The following PDK3 variants were observed in gnomAD, a reference collection of about 807,000 sequenced individuals.
The protein encoded by PDK3 is pyruvate dehydrogenase kinase 3, also known as pyruvate dehydrogenase kinase, isozyme 3.
PDK3 carries 12 observed loss-of-function variants against 32.0 expected under a neutral mutation model. That is an observed-to-expected ratio of 0.37 (90% confidence interval 0.24 to 0.61). The LOEUF (loss-of-function observed/expected upper bound fraction) is 0.61, where lower values mean the gene tolerates loss of function less well. Among genes scored for constraint, PDK3 ranks in the 20% least tolerant of loss-of-function variants. PDK3 has a pLI of 0.65. For synonymous variants in PDK3, 122 were observed against 116.3 expected (o/e 1.05, Z -0.31); for missense variants, 188 against 316.9 (o/e 0.59, Z 3.09).
chrX:24,544,506 G>A (rs374850123), exon 12 of PDK3, among the ~76,000 whole-genome samples: 6 of 111,973 alleles, frequency 5.4e-5, no homozygotes, highest in African/African-American at 1.6e-4. Flanking sequence ...AAACATGCAC[G>A]CGCAGAGTGT....
intron 1 of PDK3, among the ~76,000 whole-genome samples, chrX:24,467,166 G>T (rs752735760): frequency 9.8e-5 from 11 of 112,189 alleles, no homozygotes; most frequent in Non-Finnish European, 1.7e-4. Context: ...TGGAAAACCT[G>T]TGAGGCCAGT....
At chrX:24,483,118 G>A (rs1203390772) in intron 1 of PDK3, among the ~76,000 whole-genome samples, 1 of 112,428 alleles carries the variant, frequency 8.9e-6, no homozygotes, top group Non-Finnish European at 1.9e-5. Flanking sequence ...GGTCTCAGCT[G>A]TACAAAACTG....
At chrX:24,494,393 A>C (rs1921649179) in intron 1 of PDK3, among the ~76,000 whole-genome samples, 1 of 112,150 alleles carries the variant, frequency 8.9e-6, no homozygotes, top group African/African-American at 3.2e-5. Flanking sequence ...GTGGATTTAC[A>C]CGTTCTGTTA....
exon 12 of PDK3, among the ~76,000 whole-genome samples, chrX:24,544,164 G>A (rs1036796550): frequency 9.9e-5 from 11 of 111,196 alleles, no homozygotes; most frequent in African/African-American, 3.6e-4. Flanking sequence ...GGGGGAATAA[G>A]GAGTGACACG....
exon 12 of PDK3, chrX:24,545,852 G>C (rs991751237): frequency 1.8e-5 from 2 of 111,709 alleles, no homozygotes; most frequent in African/African-American, 6.5e-5. Flanking sequence ...CTTTCTATTA[G>C]GGGAGACAGA....
In PDK3 at chrX:24,534,293, A is replaced by C. The variant is rs1159376585; in HGVS notation, c.*221A>C. The C allele has an allele frequency of 3.5e-6, 3 of 862,979 alleles. No individual in the cohort carries two copies. Among genetic ancestry groups the C allele is most frequent in the Non-Finnish European group, 4.4e-6 (3 of 685,594 alleles). 71.1% of individuals were successfully genotyped at this position (862,979 alleles called of 1,213,427 possible). On this transcript the variant is annotated 3_prime_UTR_variant, in exon 11 of 11. Transcript: ENST00000379162. ...AAGTTAAAATGATCAATCAAGATAA[A>C]AGGTGATCTATCCATCCAATGGAAT...
At position 24,494,859 on chromosome X, in the gene PDK3, C is replaced by T; in HGVS notation, c.224C>T (p.Pro75Leu). The T allele has an allele frequency of 8.3e-7, 1 of 1,206,802 alleles. No homozygotes were observed. The highest frequency in any genetic ancestry group is 1.8e-5 in the South Asian group (1 of 56,504). Residue 75 changes from proline to leucine, a missense_variant, in exon 2 of 11, where the codon CCT (proline) becomes CTT (leucine). Coordinates refer to ENST00000379162, the MANE Select transcript of PDK3 (RefSeq NM_005391.5). ...CTGCCGGATAATTTACTTAACCGCC[C>T]TTCAGTGGGATTGGTTCAGAGTTGG... ...NLLPDNLLNR[P>L]SVGLVQSWYM...
chrX:24,510,273 A>T (rs1922085069), intron 5 of PDK3, among the ~76,000 whole-genome samples: 2 of 112,565 alleles, frequency 1.8e-5, no homozygotes, highest in African/African-American at 6.4e-5. Context: ...AATAAATTGT[A>T]TGTTCAAATG....
intron 1 of PDK3, among the ~76,000 whole-genome samples, chrX:24,466,678 T>C (rs1282570129): frequency 9.0e-6 from 1 of 111,053 alleles, no homozygotes; most frequent in Non-Finnish European, 1.9e-5. Flanking sequence ...TAGGTTAAAG[T>C]TGAGACCAAA....
intron 10 of PDK3, among the ~76,000 whole-genome samples, chrX:24,532,391 T>C (rs1477344908): frequency 2.7e-5 from 3 of 112,459 alleles, no homozygotes; most frequent in Non-Finnish European, 5.6e-5. Context: ...AACTGAAGTA[T>C]TTTGGTCTTT....
exon 12 of PDK3, among the ~76,000 whole-genome samples, chrX:24,544,952 A>AT (rs1456134635): frequency 1.8e-5 from 2 of 112,229 alleles, no homozygotes; most frequent in Non-Finnish European, 3.8e-5. Flanking sequence ...TCAATACGGG[A>AT]TTTTTGTTTA....
intron 3 of PDK3, among the ~76,000 whole-genome samples, chrX:24,502,233 A>G (rs1921875980): frequency 9.0e-6 from 1 of 111,531 alleles, no homozygotes; most frequent in African/African-American, 3.3e-5. Flanking sequence ...ACCCTTTTAC[A>G]TTTTTAATCC....
chrX:24,546,783 T>G (rs1468239190), exon 12 of PDK3: 2 of 112,016 alleles, frequency 1.8e-5, no homozygotes, highest in East Asian at 5.6e-4. Flanking sequence ...TGGGATGTGT[T>G]TAATTATCCC....
intron 1 of PDK3, among the ~76,000 whole-genome samples, chrX:24,481,252 C>G (rs762955062): frequency 3.6e-5 from 4 of 111,124 alleles, no homozygotes; most frequent in African/African-American, 1.3e-4. Flanking sequence ...ACCGTGGTCT[C>G]GATCTCCTGA....
intron 1 of PDK3, among the ~76,000 whole-genome samples, chrX:24,472,675 C>CTTTTTTTTTTTTTT (rs761538432): frequency 1.0e-4 from 5 of 49,717 alleles, no homozygotes; most frequent in East Asian, 7.0e-4. Context: ...TTCTTTCTTT[C>CTTTTTTTTTTTTTT]TTTTTTTTTT....
exon 12 of PDK3, among the ~76,000 whole-genome samples, chrX:24,541,195 G>A (rs190007023): frequency 5.0e-4 from 55 of 109,298 alleles, no homozygotes; most frequent in Non-Finnish European, 1.7e-4. Context: ...ACAGGTTCGA[G>A]CCACTGCGCC....
chrX:24,483,774 G>T (rs770556427), intron 1 of PDK3, among the ~76,000 whole-genome samples: 2 of 108,825 alleles, frequency 1.8e-5, no homozygotes, highest in Non-Finnish European at 3.8e-5. Flanking sequence ...GTGCAGTGGC[G>T]CAATCTTGGC....
In PDK3 at chrX:24,496,568, C is replaced by CTTTTTTTTTT. The variant is rs763095558; in HGVS notation, c.248+1699_248+1708dup. Among the ~76,000 whole-genome samples, 18 of 39,326 alleles carry CTTTTTTTTTT rather than the reference C, an allele frequency of 4.6e-4. 2 individuals are homozygous for CTTTTTTTTTT. Among genetic ancestry groups the CTTTTTTTTTT allele is most frequent in the African/African-American group, 8.9e-4 (8 of 8,998 alleles). The allele number at this position is 39,326 out of a possible 115,157, so 34.1% of individuals were successfully genotyped here. ...CTAATTGTCCTGATACTACCCCCAT[C>CTTTTTTTTTT]TTTTTTTTTTTTTTTTTTTTTTTGC... On this transcript the variant is annotated intron_variant, in intron 2 of 10. Transcript: ENST00000379162.
intron 1 of PDK3, among the ~76,000 whole-genome samples, chrX:24,489,698 A>T (rs1183277866): frequency 9.1e-6 from 1 of 109,293 alleles, no homozygotes; most frequent in Non-Finnish European, 1.9e-5. Flanking sequence ...AAAAAAAAAA[A>T]AAAAGAAAAA....
Sources: gnomAD v4.1 joint callset for allele counts (sites outside exome capture counted in the v4.1 genomes callset) on GRCh38, gnomAD v4.1.1 for gene constraint, MANE v1.5 for transcripts, NCBI Gene and HGNC (gene_info 2026-07-23, HGNC 2026-07-21) for gene names.